The following TSHZ1 variants were observed in gnomAD, a reference collection of about 807,000 sequenced individuals.
TSHZ1 encodes teashirt homolog 1.
TSHZ1 carries 12 observed loss-of-function variants against 67.1 expected under a neutral mutation model. The ratio of observed to expected loss-of-function variants is 0.18; its 90% CI spans 0.11 to 0.29. TSHZ1 has a LOEUF of 0.29. Among genes scored for constraint, TSHZ1 ranks in the 10% least tolerant of loss-of-function variants. The pLI, the probability that TSHZ1 is intolerant of heterozygous loss-of-function variation, is 1.00. For synonymous variants in TSHZ1, 632 were observed against 622.4 expected (o/e 1.02, Z -0.23); for missense variants, 1,305 against 1,413.9 (o/e 0.92, Z 1.23).
At chr18:75,276,483 C>T (rs575688642) in intron 1 of TSHZ1, among the ~76,000 whole-genome samples, 81 of 152,198 alleles carry the variant, frequency 5.3e-4, no homozygotes, top group African/African-American at 1.8e-3. Flanking sequence ...TGTTTCCCAG[C>T]GTATTCTAAC....
At chr18:75,240,335 A>G (rs1305057679) in intron 1 of TSHZ1, among the ~76,000 whole-genome samples, 2 of 151,734 alleles carry the variant, frequency 1.3e-5, no homozygotes, top group Non-Finnish European at 2.9e-5. Flanking sequence ...AGGATAGTGA[A>G]TCAGCTTTTA....
chr18:75,224,199 G>A (rs757425197), intron 1 of TSHZ1, among the ~76,000 whole-genome samples: 6 of 151,496 alleles, frequency 4.0e-5, no homozygotes, highest in Non-Finnish European at 8.8e-5. Flanking sequence ...ACACTACGGT[G>A]CTTGTGCATT....
chr18:75,267,584 G>A (rs1376070968), intron 1 of TSHZ1, among the ~76,000 whole-genome samples: 1 of 152,218 alleles, frequency 6.6e-6, no homozygotes, highest in Non-Finnish European at 1.5e-5. Flanking sequence ...GGAGAGGGAA[G>A]GAGTTCAGTT....
intron 1 of TSHZ1, among the ~76,000 whole-genome samples, chr18:75,219,401 TA>T (rs1485287232): frequency 6.6e-6 from 1 of 152,324 alleles, no homozygotes; most frequent in East Asian, 1.9e-4. Flanking sequence ...GCAATGAATA[TA>T]ATTTTTGGGA....
chr18:75,246,632 C>T (rs1599038062), intron 1 of TSHZ1, among the ~76,000 whole-genome samples: 2 of 151,956 alleles, frequency 1.3e-5, no homozygotes, highest in East Asian at 3.9e-4. Context: ...AGATCATGCT[C>T]AAGTCATGGG....
chr18:75,280,439 CA>C (rs1482567331), intron 1 of TSHZ1, among the ~76,000 whole-genome samples: 1 of 152,222 alleles, frequency 6.6e-6, no homozygotes, highest in Non-Finnish European at 1.5e-5. Context: ...ATACTTAATA[CA>C]GAGTTACTTT....
At chr18:75,216,880 G>T (rs951856389) in intron 1 of TSHZ1, among the ~76,000 whole-genome samples, 12 of 152,152 alleles carry the variant, frequency 7.9e-5, no homozygotes, top group Non-Finnish European at 1.3e-4. Context: ...TGGTCCACTG[G>T]GCCGGGACCC....
chr18:75,257,398 C>T (rs898160358), intron 1 of TSHZ1, among the ~76,000 whole-genome samples: 6 of 152,180 alleles, frequency 3.9e-5, no homozygotes, highest in Admixed American at 2.0e-4. Flanking sequence ...ACACATAATT[C>T]TGCCCATGTT....
chr18:75,246,353 T>C (rs2023221490), intron 1 of TSHZ1, among the ~76,000 whole-genome samples: 2 of 150,714 alleles, frequency 1.3e-5, no homozygotes, highest in African/African-American at 4.9e-5. Context: ...GGGATGACGA[T>C]GGGGGCCTTG....
chr18:75,283,722 G>C (rs375793416), intron 1 of TSHZ1: 4 of 152,368 alleles, frequency 2.6e-5, no homozygotes, highest in African/African-American at 9.6e-5. Flanking sequence ...GTGTGTGTGT[G>C]TGCGTGTGCT....
chr18:75,233,784 GA>G (rs2023030119), intron 1 of TSHZ1, among the ~76,000 whole-genome samples: 1 of 152,202 alleles, frequency 6.6e-6, no homozygotes, highest in Non-Finnish European at 1.5e-5. Context: ...TGCATACTCT[GA>G]ATTGTCGAAG....
chr18:75,260,194 G>T (rs2023413516), intron 1 of TSHZ1, among the ~76,000 whole-genome samples: 1 of 152,192 alleles, frequency 6.6e-6, no homozygotes, highest in Non-Finnish European at 1.5e-5. Flanking sequence ...GCGGCTTCTC[G>T]TGTTTCCCTG....
At chr18:75,221,807 C>T (rs112776320) in intron 1 of TSHZ1, among the ~76,000 whole-genome samples, 3 of 152,220 alleles carry the variant, frequency 2.0e-5, no homozygotes, top group East Asian at 1.9e-4. Context: ...GTCCTGGCAT[C>T]GAGAAAAGCC....
At chr18:75,254,985 A>G (rs2023345610) in intron 1 of TSHZ1, among the ~76,000 whole-genome samples, 1 of 152,240 alleles carries the variant, frequency 6.6e-6, no homozygotes. Context: ...TTACTTCATG[A>G]TATACTTTCA....
At chr18:75,227,381 C>T (rs932099311) in intron 1 of TSHZ1, among the ~76,000 whole-genome samples, 1 of 151,898 alleles carries the variant, frequency 6.6e-6, no homozygotes, top group Non-Finnish European at 1.5e-5. Context: ...TGATGAGGTT[C>T]GAGTCTAAAA....
intron 1 of TSHZ1, among the ~76,000 whole-genome samples, chr18:75,247,730 A>G (rs1397242920): frequency 6.6e-6 from 1 of 152,146 alleles, no homozygotes; most frequent in African/African-American, 2.4e-5. Flanking sequence ...TCACACACTC[A>G]TATGTGAGCA....
At chr18:75,235,465 G>A (rs1327319935) in intron 1 of TSHZ1, among the ~76,000 whole-genome samples, 1 of 152,102 alleles carries the variant, frequency 6.6e-6, no homozygotes, top group African/African-American at 2.4e-5. Flanking sequence ...ACCTGGGACC[G>A]ATTCCTACCT....
rs1043187176 is a variant in TSHZ1, at chr18:75,228,406, T to C, written c.40+16490T>C. On this transcript the variant is annotated intron_variant, in intron 1 of 1. Transcript: ENST00000580243. ...TATAGGACCCTGATAGGGTTAGAAA[T>C]GGAGATGTACCCCAGAGCTCACCAT... Among the ~76,000 whole-genome samples the C allele has an allele frequency of 3.9e-5, 6 of 152,278 alleles. 1 individual carries two copies. The highest frequency in any genetic ancestry group is 3.9e-4 in the Admixed American group (6 of 15,296).
chr18:75,236,046 A>C (rs1011395555), intron 1 of TSHZ1, among the ~76,000 whole-genome samples: 1 of 152,010 alleles, frequency 6.6e-6, no homozygotes, highest in African/African-American at 2.4e-5. Flanking sequence ...AGCTTGCGTG[A>C]TAGGAAGCAT....
Sources: gnomAD v4.1 joint callset for allele counts (sites outside exome capture counted in the v4.1 genomes callset) on GRCh38, gnomAD v4.1.1 for gene constraint, MANE v1.5 for transcripts, NCBI Gene and HGNC (gene_info 2026-07-23, HGNC 2026-07-21) for gene names.